Variants in SIRT1 observed in about 807,000 individuals in gnomAD.
The protein encoded by SIRT1 is sirtuin 1.
In SIRT1, 24 loss-of-function variants were observed where a neutral mutation model predicts 67.9. The observed-to-expected ratio is 0.35, with a 90% CI of 0.26 to 0.50. SIRT1 has a LOEUF of 0.50. Among genes scored for constraint, SIRT1 ranks in the 20% least tolerant of loss-of-function variants. SIRT1 has a pLI of 0.98. For missense variants in SIRT1, 873 were observed against 937.2 expected (o/e 0.93, Z 0.89); for synonymous variants, 378 against 350.7 (o/e 1.08, Z -0.87).
chr10:67,914,346 A>C (rs1490184599), intron 8 of SIRT1, among the ~76,000 whole-genome samples: 2 of 152,126 alleles, frequency 1.3e-5, no homozygotes, highest in Non-Finnish European at 2.9e-5. Flanking sequence ...CTGGAATTAC[A>C]GGCGTGAGCC....
chr10:67,885,880 A>G (rs1842470193), intron 1 of SIRT1, among the ~76,000 whole-genome samples: 1 of 151,926 alleles, frequency 6.6e-6, no homozygotes, highest in Non-Finnish European at 1.5e-5. Flanking sequence ...TTGAGACACA[A>G]ACTTAACACT....
intron 4 of SIRT1, among the ~76,000 whole-genome samples, chr10:67,894,419 T>C (rs192214837): frequency 1.3e-5 from 2 of 152,306 alleles, no homozygotes; most frequent in African/African-American, 4.8e-5. Context: ...ATTTACTGTT[T>C]TAACCTACTC....
Position 67,908,058 on chromosome 10 carries a change from C to A in SIRT1, c.1103C>A (p.Thr368Lys). The stretch of plus-strand genomic sequence containing the variant: ...TGTTTGTTTTTAGGTTCCTTTGCAA[C>A]AGCATCTTGCCTGATTTGTAAATAC... ...RIIQCHGSFA[T>K]ASCLICKYKV... The change falls in exon 6 of 9, where the codon ACA (threonine) becomes AAA (lysine). Residue 368 changes from threonine to lysine, a missense_variant. By Grantham distance (78) the Thr-to-Lys change is moderately conservative (BLOSUM62 -1). Around this residue, in one of 3 missense-constraint regions of SIRT1, gnomAD observed 251 missense variants for 358.8 expected, o/e 0.70. Transcript: ENST00000212015. 1 of 1,612,742 alleles carries A rather than the reference C, an allele frequency of 6.2e-7. No homozygotes were observed.
intron 4 of SIRT1, among the ~76,000 whole-genome samples, chr10:67,898,261 A>G (rs1259347368): frequency 2.7e-5 from 4 of 149,952 alleles, no homozygotes; most frequent in Admixed American, 1.3e-4. Flanking sequence ...TCTGTCTCAA[A>G]AAAAAAAAAA....
At chr10:67,901,236 G>A (rs117880377) in intron 4 of SIRT1, among the ~76,000 whole-genome samples, 52 of 151,896 alleles carry the variant, frequency 3.4e-4, no homozygotes, top group African/African-American at 1.1e-3. Context: ...GGCCTCAAGC[G>A]ATCCTCCCAC....
chr10:67,900,326 T>G (rs1159183462), intron 4 of SIRT1, among the ~76,000 whole-genome samples: 1 of 151,956 alleles, frequency 6.6e-6, no homozygotes, highest in East Asian at 2.0e-4. Flanking sequence ...GTATTTTTAG[T>G]AGAGATGGGG....
Position 67,912,649 on chromosome 10 carries a change from T to A in SIRT1, c.1533T>A (p.Thr511=). The change falls in exon 8 of 9, where the codon ACT becomes ACA. Residue 511 remains threonine, a synonymous_variant. Coordinates refer to ENST00000212015, the MANE Select transcript of SIRT1 (RefSeq NM_012238.5). The part of the protein sequence containing the change: ...CCNPVKLSEI[T]EKPPRTQKEL... ...ACCCTGTAAAGCTTTCAGAAATTAC[T>A]GAAAAACCTCCACGAACACAAAAAG... The A allele has an allele frequency of 6.2e-7, 1 of 1,614,142 alleles. No individual in the cohort carries two copies. The highest frequency in any genetic ancestry group is 8.5e-7 in the Non-Finnish European group (1 of 1,180,028).
intron 4 of SIRT1, chr10:67,906,072 A>T (rs1246427807): frequency 8.9e-7 from 1 of 1,123,744 alleles, no homozygotes; most frequent in African/African-American, 1.6e-5. Flanking sequence ...GGAATTTAAT[A>T]AAAACACTGT....
chr10:67,890,735 GA>G (rs1159445613), intron 3 of SIRT1, among the ~76,000 whole-genome samples: 1 of 148,594 alleles, frequency 6.7e-6, no homozygotes, highest in African/African-American at 2.5e-5. Context: ...TGTCTAAAAA[GA>G]AAAAAAACAA....
intron 2 of SIRT1, 39 bp downstream of exon 2, chr10:67,887,572 C>T: frequency 7.1e-7 from 1 of 1,403,332 alleles, no homozygotes; most frequent in Non-Finnish European, 1.0e-6. Flanking sequence ...AGTAAATGTA[C>T]GGTTTTTGGT....
intron 4 of SIRT1, chr10:67,906,415 T>C (rs1261110226): frequency 5.3e-6 from 5 of 941,778 alleles, no homozygotes; most frequent in Admixed American, 3.7e-5. Flanking sequence ...TACCTTGATA[T>C]CTGTAATTTT....
intron 5 of SIRT1, among the ~76,000 whole-genome samples, chr10:67,907,325 A>G (rs957753134): frequency 1.1e-4 from 16 of 151,924 alleles, no homozygotes; most frequent in East Asian, 5.8e-4. Flanking sequence ...TGAAATCCCA[A>G]CTCTACTAGA....
chr10:67,901,001 T>G (rs148720913), intron 4 of SIRT1, among the ~76,000 whole-genome samples: 58 of 152,280 alleles, frequency 3.8e-4, no homozygotes, highest in African/African-American at 9.9e-4. Context: ...CCCATGAAGG[T>G]GAGCAAACTG....
At position 67,916,657 on chromosome 10, in the gene SIRT1, G is replaced by C; in HGVS notation, c.*64G>C. ...ATTAGGAACTTTAGCATGTCAAAATGAATGTTTACTTGTGAACTCGATAGA... is the reference window on the plus strand; with the variant it reads ...ATTAGGAACTTTAGCATGTCAAAATCAATGTTTACTTGTGAACTCGATAGA... On this transcript the variant is annotated 3_prime_UTR_variant, in exon 9 of 9. Coordinates refer to ENST00000212015, the MANE Select transcript of SIRT1 (RefSeq NM_012238.5). The C allele has an allele frequency of 1.5e-6, 2 of 1,374,956 alleles. No homozygotes were observed. Among genetic ancestry groups the C allele is most frequent in the South Asian group, 1.4e-5 (1 of 71,082 alleles). The allele number at this position is 1,374,956 out of a possible 1,614,324, so 85.2% of individuals were successfully genotyped here.
rs1004538042 is a variant in SIRT1 at position 67,884,742 on chromosome 10, C to T, written c.21C>T (p.Leu7=). 5.6e-5 allele frequency: 69 copies of T among 1,228,916 alleles called. No homozygotes were observed. Among genetic ancestry groups the T allele is most frequent in the Non-Finnish European group, 6.8e-5 (67 of 986,208 alleles). 76.1% of individuals were successfully genotyped at this position (1,228,916 alleles called of 1,614,324 possible). MADEAA[L]ALQPGGSPSA... ...GGAAGATGGCGGACGAGGCGGCCCT[C>T]GCCCTTCAGCCCGGCGGCTCCCCCT... Residue 7 remains leucine, a synonymous_variant, in exon 1 of 9, where the codon CTC becomes CTT. Transcript: ENST00000212015.
chr10:67,905,374 C>T (rs115600172), intron 4 of SIRT1, among the ~76,000 whole-genome samples: 2 of 152,312 alleles, frequency 1.3e-5, no homozygotes, highest in African/African-American at 4.8e-5. Flanking sequence ...TATATGCACT[C>T]TCTATTTCTT....
rs1020940045 is a variant in SIRT1, at chr10:67,909,514, G to A, written c.1357+72G>A. 1.3e-5 allele frequency: 16 copies of A among 1,215,666 alleles called. No homozygotes were observed. In the African/African-American group the frequency reaches 2.3e-4, roughly 18 times the overall value. 75.3% of individuals were successfully genotyped at this position (1,215,666 alleles called of 1,614,324 possible). A position where few individuals can be genotyped will look rare whatever the true frequency, so the allele number is the denominator to read the frequency against. ...TGGGTTGTGGGTCTGTATAATAGAC[G>A]CTAGTAATCTTAACTCTGCTTCTGT... On this transcript the variant is annotated intron_variant, in intron 7 of 8. Transcript: ENST00000212015.
chr10:67,905,563 A>AT (rs1163466138), intron 4 of SIRT1, among the ~76,000 whole-genome samples: 2 of 151,678 alleles, frequency 1.3e-5, no homozygotes, highest in African/African-American at 2.4e-5. Flanking sequence ...TGCAGTGGGA[A>AT]TTTTTTTTTA....
intron 4 of SIRT1, chr10:67,905,989 G>A: frequency 2.5e-6 from 1 of 399,480 alleles, no homozygotes; most frequent in Non-Finnish European, 4.1e-6. Flanking sequence ...AAGGAAGTAA[G>A]TAGATGATAG....
Sources: allele counts gnomAD v4.1 joint callset (sites outside exome capture counted in the v4.1 genomes callset), GRCh38; gene constraint gnomAD v4.1.1; regional missense constraint gnomAD v4.1.1; transcripts MANE v1.5; gene names NCBI Gene and HGNC (gene_info 2026-07-23, HGNC 2026-07-21).